The following DOCK9 variants were observed in gnomAD, a reference collection of about 807,000 sequenced individuals.
DOCK9 encodes the protein dedicator of cytokinesis 9.
DOCK9 carries 89 observed loss-of-function variants against 263.3 expected under a neutral mutation model. The observed-to-expected ratio is 0.34, with a 90% confidence interval of 0.28 to 0.40. The LOEUF (loss-of-function observed/expected upper bound fraction) is 0.40. DOCK9 is among the 10% of genes least tolerant of loss of function. The probability of loss-of-function intolerance (pLI) is 1.00; values close to 1 mark genes in which losing one functional copy is unlikely to be tolerated. For missense variants in DOCK9, 2,140 were observed against 2,603.4 expected (o/e 0.82, Z 3.87); for synonymous variants, 976 against 973.1 (o/e 1.00, Z -0.06).
At chr13:98,837,182 T>G (rs1039174164) in intron 39 of DOCK9, among the ~76,000 whole-genome samples, 1 of 152,176 alleles carries the variant, frequency 6.6e-6, no homozygotes, top group African/African-American at 2.4e-5. Context: ...AAGGCAGAAA[T>G]GCCTGATTAG....
chr13:98,850,075 C>A lies in DOCK9; in HGVS notation c.3985G>T (p.Glu1329Ter). ...FTYWNKASTS[E>*]LMDFFTISEV... The stretch of plus-strand genomic sequence containing the variant: ...GATATTGTAAAAAAATCCATAAGTT[C>A]AGATGTTGAAGCCTTGTTCCAATAT... The change falls in exon 36 of 53, where the codon GAA (glutamate) becomes TAA (stop). Residue 1329 changes from glutamate to a stop codon, truncating the protein, a stop_gained. Coordinates refer to ENST00000682017, the MANE Select transcript of DOCK9 (RefSeq NM_001366683.2). LOFTEE classifies it high-confidence loss of function. 6.4e-7 allele frequency: 1 copy of A among 1,562,968 alleles called. No homozygotes were observed.
rs56800447 is a variant in DOCK9 at position 99,055,908 on chromosome 13, G to C, written c.129+30315C>G. 0.013 allele frequency among the ~76,000 whole-genome samples: 1,985 copies of C among 152,020 alleles called. 349 individuals are homozygous for C. The East Asian group carries it at 0.33, about 26-fold the overall frequency. On this transcript the variant is annotated intron_variant, in intron 1 of 32. Transcript: ENST00000427887. ...ATAAATTCCTAGGCCAAAGAATCTG[G>C]GATTTTTTTCAGAAATCAGCCAAGC...
At chr13:99,019,074 T>C (rs2141995536) in intron 1 of DOCK9, among the ~76,000 whole-genome samples, 1 of 152,252 alleles carries the variant, frequency 6.6e-6, no homozygotes, top group Middle Eastern at 3.4e-3. Flanking sequence ...AAAGTACTGA[T>C]GCATGCCACT....
rs545014357 is a variant in DOCK9, at chr13:99,017,458, T to C, written c.130-61907A>G. Among the ~76,000 whole-genome samples, 6 of 152,350 alleles carry C rather than the reference T, an allele frequency of 3.9e-5. No homozygotes were observed. In the East Asian group the frequency reaches 1.2e-3, roughly 29 times the overall value. ...CTGGAAATGTAAAATTAATTTGTTA[T>C]TGTTATGACATATTTTAGACATCCT... On this transcript the variant is annotated intron_variant, in intron 1 of 32. Transcript: ENST00000427887.
chr13:99,046,593 G>A (rs1009711332), intron 1 of DOCK9, among the ~76,000 whole-genome samples: 1 of 152,202 alleles, frequency 6.6e-6, no homozygotes, highest in Non-Finnish European at 1.5e-5. Context: ...TGACAGGAAA[G>A]TCCAGGACTC....
At chr13:99,075,530 T>C (rs1313286069) in intron 1 of DOCK9, among the ~76,000 whole-genome samples, 1 of 151,896 alleles carries the variant, frequency 6.6e-6, no homozygotes, top group Non-Finnish European at 1.5e-5. Context: ...ATTTTTTCTT[T>C]CCTTTTTTTC....
At chr13:98,947,644 T>C in intron 2 of DOCK9, among the ~76,000 whole-genome samples, 1 of 151,722 alleles carries the variant, frequency 6.6e-6, no homozygotes, top group East Asian at 1.9e-4. Flanking sequence ...TAGCTGGGAT[T>C]ACAGGCGCCC....
intron 1 of DOCK9, among the ~76,000 whole-genome samples, chr13:98,966,354 C>A (rs1476363080): frequency 6.6e-6 from 1 of 152,226 alleles, no homozygotes; most frequent in Admixed American, 6.5e-5. Context: ...CTGCAGTGGG[C>A]CCAGCATGTG....
At chr13:98,972,415 G>A (rs370190768) in intron 1 of DOCK9, among the ~76,000 whole-genome samples, 336 of 103,448 alleles carry the variant, frequency 3.2e-3, no homozygotes, top group African/African-American at 0.012. Context: ...CTATACAAGC[G>A]ATTTTAGTTT....
intron 2 of DOCK9, among the ~76,000 whole-genome samples, chr13:98,932,117 G>A (rs184623862): frequency 1.9e-4 from 29 of 152,264 alleles, no homozygotes; most frequent in African/African-American, 6.5e-4. Flanking sequence ...AGTCGACTGG[G>A]CGCGGTGACT....
chr13:98,904,128 T>C (rs2048741354), intron 10 of DOCK9, among the ~76,000 whole-genome samples: 1 of 152,266 alleles, frequency 6.6e-6, no homozygotes, highest in South Asian at 2.1e-4. Flanking sequence ...AAATTTTATA[T>C]TATGTATATT....
intron 38 of DOCK9, among the ~76,000 whole-genome samples, chr13:98,840,103 G>A (rs538618186): frequency 1.7e-4 from 26 of 152,336 alleles, no homozygotes; most frequent in African/African-American, 6.0e-4. Flanking sequence ...TCAAGGCCTG[G>A]AACAGAGCTG....
chr13:99,024,841 T>A (rs9517550), intron 1 of DOCK9, among the ~76,000 whole-genome samples: 75,219 of 152,016 alleles, frequency 0.49, 18,889 homozygotes, highest in East Asian at 0.65. Flanking sequence ...CTATTTTTTT[T>A]AAAAGCAGTG....
chr13:99,002,714 T>A (rs9517537), intron 1 of DOCK9, among the ~76,000 whole-genome samples: 4 of 152,100 alleles, frequency 2.6e-5, no homozygotes, highest in Non-Finnish European at 5.9e-5. Flanking sequence ...AACTTTTCCA[T>A]GCACTGTCCT....
intron 1 of DOCK9, among the ~76,000 whole-genome samples, chr13:99,020,910 T>C (rs746713711): frequency 3.3e-4 from 50 of 152,318 alleles, no homozygotes; most frequent in Non-Finnish European, 1.3e-4. Flanking sequence ...CAAATCTAAG[T>C]AAAGGGAGGA....
At chr13:99,046,479 T>G (rs747451457) in intron 1 of DOCK9, among the ~76,000 whole-genome samples, 1 of 152,214 alleles carries the variant, frequency 6.6e-6, no homozygotes, top group Non-Finnish European at 1.5e-5. Flanking sequence ...CTAACCTCCT[T>G]AGCTGCGCTC....
rs1185249524 is a variant in DOCK9, at chr13:98,892,081, T to C, written c.1710-3370A>G. 2.0e-5 allele frequency among the ~76,000 whole-genome samples: 3 copies of C among 152,344 alleles called. 1 individual carries two copies. Among genetic ancestry groups the C allele is most frequent in the Admixed American group, 1.3e-4 (2 of 15,302 alleles). ...CTATGCAAAATTTATAAAATAATCC[T>C]TGAACATGAAAACTCATCTTAAAAT... On this transcript the variant is annotated intron_variant, in intron 15 of 52. Transcript: ENST00000682017.
At chr13:99,017,870 T>C (rs1885617890) in intron 1 of DOCK9, among the ~76,000 whole-genome samples, 1 of 152,178 alleles carries the variant, frequency 6.6e-6, no homozygotes, top group Non-Finnish European at 1.5e-5. Context: ...TTGGTCTAAA[T>C]GGTCTCACCA....
At chr13:98,985,429 G>A (rs954755404) in intron 1 of DOCK9, among the ~76,000 whole-genome samples, 2 of 151,984 alleles carry the variant, frequency 1.3e-5, no homozygotes, top group African/African-American at 2.4e-5. Flanking sequence ...GCTCCACGAG[G>A]GCAGCATTTT....
Sources: gnomAD v4.1 joint callset for allele counts (sites outside exome capture counted in the v4.1 genomes callset) on GRCh38, gnomAD v4.1.1 for gene constraint, MANE v1.5 for transcripts, NCBI Gene and HGNC (gene_info 2026-07-23, HGNC 2026-07-21) for gene names.